Variants in BAZ2B observed in about 807,000 individuals in gnomAD.
BAZ2B encodes the protein bromodomain adjacent to zinc finger domain 2B, also known as bromodomain adjacent to zinc finger domain protein 2B.
A neutral mutation model predicts 246.0 loss-of-function variants in BAZ2B; 91 were observed. The observed-to-expected ratio is 0.37, with a 90% CI of 0.31 to 0.44. BAZ2B has a LOEUF of 0.44. Ranked by LOEUF, BAZ2B falls within the 20% of genes least tolerant of loss-of-function variation. The pLI is 1.00. For synonymous variants in BAZ2B, 855 were observed against 860.0 expected (o/e 0.99, Z 0.10); for missense variants, 2,332 against 2,533.7 (o/e 0.92, Z 1.71).
chr2:159,677,511 G>T, the BAZ2B span, among the ~76,000 whole-genome samples: 1 of 152,062 alleles, frequency 6.6e-6, no homozygotes, highest in Non-Finnish European at 1.5e-5. Flanking sequence ...TATCAAAGAA[G>T]GGGACAGAAA....
the BAZ2B span, among the ~76,000 whole-genome samples, chr2:159,667,227 T>G: frequency 2.0e-5 from 3 of 151,898 alleles, no homozygotes; most frequent in Admixed American, 6.6e-5. Context: ...TAATTTTGAG[T>G]TTTTTTCTTC....
intron 1 of BAZ2B, among the ~76,000 whole-genome samples, chr2:159,562,375 T>C (rs2089962079): frequency 6.6e-6 from 1 of 152,176 alleles, no homozygotes; most frequent in Non-Finnish European, 1.5e-5. Flanking sequence ...CTTGGTAAAT[T>C]TAAAAAACAC....
At chr2:159,526,566 A>G (rs1478039175) in intron 2 of BAZ2B, among the ~76,000 whole-genome samples, 1 of 152,212 alleles carries the variant, frequency 6.6e-6, no homozygotes, top group Non-Finnish European at 1.5e-5. Flanking sequence ...ATATATCTTT[A>G]ATATGCTAAC....
the BAZ2B span, among the ~76,000 whole-genome samples, chr2:159,704,816 C>G: frequency 3.3e-5 from 5 of 152,076 alleles, no homozygotes; most frequent in African/African-American, 1.2e-4. Context: ...CATTCTCCTG[C>G]CTCAGCCTCC....
Position 159,361,433 on chromosome 2 carries a change from T to C in BAZ2B, c.4214-11076A>G, listed in dbSNP as rs538599226. On this transcript the variant is annotated intron_variant, in intron 27 of 36. Transcript: ENST00000392783. ...CTCATGCCAGTTAGAATGGCAATCA[T>C]TAAAAAGTCAGGAAACAACAGATGC... 8.5e-5 allele frequency among the ~76,000 whole-genome samples: 13 copies of C among 152,220 alleles called. No homozygotes were observed. In the East Asian group the frequency reaches 1.7e-3, roughly 20 times the overall value.
At chr2:159,642,312 A>T in the BAZ2B span, among the ~76,000 whole-genome samples, 1 of 144,510 alleles carries the variant, frequency 6.9e-6, no homozygotes, top group East Asian at 2.0e-4. Flanking sequence ...ATCTTGGCTC[A>T]CTGCAACCTC....
the BAZ2B span, among the ~76,000 whole-genome samples, chr2:159,670,373 G>A: frequency 2.0e-5 from 3 of 151,894 alleles, no homozygotes; most frequent in Non-Finnish European, 2.9e-5. Flanking sequence ...TATTTTTAGC[G>A]ATTTCTGTAA....
intron 3 of BAZ2B, chr2:159,464,097 C>T (rs552688607): frequency 6.6e-6 from 1 of 152,230 alleles, no homozygotes; most frequent in South Asian, 2.1e-4. Context: ...TCTACCCAAC[C>T]TTACTTCTCC....
intron 16 of BAZ2B, among the ~76,000 whole-genome samples, chr2:159,402,302 T>C (rs1288666789): frequency 1.3e-5 from 2 of 151,962 alleles, no homozygotes; most frequent in Non-Finnish European, 1.5e-5. Flanking sequence ...TGCAAAAAAT[T>C]AGCTGGGTGT....
chr2:159,497,368 T>C (rs888967032), intron 2 of BAZ2B, among the ~76,000 whole-genome samples: 2 of 152,230 alleles, frequency 1.3e-5, no homozygotes, highest in Non-Finnish European at 2.9e-5. Flanking sequence ...TGACTCATTA[T>C]GCTTTCCCTG....
intron 22 of BAZ2B, 93 bp downstream of exon 22, chr2:159,386,260 C>G: frequency 7.7e-7 from 1 of 1,291,478 alleles, no homozygotes; most frequent in Non-Finnish European, 1.0e-6. Flanking sequence ...AAAATTAGAT[C>G]AATCTATATA....
chr2:159,670,514 A>C, the BAZ2B span, among the ~76,000 whole-genome samples: 1 of 152,108 alleles, frequency 6.6e-6, no homozygotes, highest in Admixed American at 6.6e-5. Flanking sequence ...CACATACCAT[A>C]CGTTGTTATA....
At chr2:159,576,324 T>C (rs143300236) in intron 1 of BAZ2B, among the ~76,000 whole-genome samples, 88 of 152,172 alleles carry the variant, frequency 5.8e-4, no homozygotes, top group African/African-American at 2.0e-3. Context: ...GGTCAAAAGA[T>C]GTTGACAGAT....
At chr2:159,464,142 TTCC>T (rs1377166033) in intron 3 of BAZ2B, 1 of 152,194 alleles carries the variant, frequency 6.6e-6, no homozygotes, top group Non-Finnish European at 1.5e-5. Context: ...AAGAACAACT[TTCC>T]AAACTAAGAA....
chr2:159,632,019 T>A, the BAZ2B span, among the ~76,000 whole-genome samples: 8 of 152,300 alleles, frequency 5.3e-5, no homozygotes, highest in South Asian at 1.7e-3. Flanking sequence ...CCTGTGAGTT[T>A]CAATGCAGAC....
At chr2:159,493,810 A>C (rs2080771161) in intron 2 of BAZ2B, among the ~76,000 whole-genome samples, 1 of 152,222 alleles carries the variant, frequency 6.6e-6, no homozygotes, top group African/African-American at 2.4e-5. Flanking sequence ...GCAATATTGT[A>C]GGTCCAGGTT....
intron 1 of BAZ2B, among the ~76,000 whole-genome samples, chr2:159,559,567 T>C (rs934338998): frequency 5.9e-5 from 9 of 152,232 alleles, no homozygotes; most frequent in African/African-American, 9.6e-5. Flanking sequence ...GTTAAAAATA[T>C]ACAGTTTACT....
At chr2:159,519,114 T>A (rs1372967990) in intron 2 of BAZ2B, among the ~76,000 whole-genome samples, 2 of 151,670 alleles carry the variant, frequency 1.3e-5, no homozygotes, top group Non-Finnish European at 2.9e-5. Flanking sequence ...TGCTAGGAAG[T>A]GTGCAATTCT....
chr2:159,690,181 C>T, the BAZ2B span: 43 of 477,664 alleles, frequency 9.0e-5, no homozygotes, highest in Non-Finnish European at 1.7e-4. Flanking sequence ...TGGTGACTAG[C>T]GTCTTTCCAA....
Sources: allele counts gnomAD v4.1 joint callset (sites outside exome capture counted in the v4.1 genomes callset), GRCh38; gene constraint gnomAD v4.1.1; transcripts MANE v1.5; gene names NCBI Gene and HGNC (gene_info 2026-07-23, HGNC 2026-07-21).